The following RREB1 variants were observed in gnomAD, a reference collection of about 807,000 sequenced individuals.
RREB1 encodes ras-responsive element-binding protein 1.
A neutral mutation model predicts 117.8 loss-of-function variants in RREB1; 27 were observed. That is an observed-to-expected ratio of 0.23 (90% CI 0.17 to 0.32). The LOEUF is 0.32. Ranked by LOEUF, RREB1 falls within the 10% of genes least tolerant of loss-of-function variation. The probability of loss-of-function intolerance (pLI) is 1.00; values close to 1 mark genes in which losing one functional copy is unlikely to be tolerated. For missense variants in RREB1, 2,577 were observed against 2,378.2 expected, an observed-to-expected ratio of 1.08 and a Z score of -1.74; for synonymous variants, 1,298 against 1,026.7, an observed-to-expected ratio of 1.26 and a Z score of -5.05.
chr6:7,201,991 T>TA (rs145693428), intron 6 of RREB1, among the ~76,000 whole-genome samples: 18,617 of 152,210 alleles, frequency 0.12, 1,582 homozygotes, highest in Non-Finnish European at 0.18. Context: ...GCCTTGGTCA[T>TA]ACAGAAGGGC....
intron 8 of RREB1, among the ~76,000 whole-genome samples, chr6:7,223,233 G>A (rs1406920272): frequency 6.8e-6 from 1 of 147,298 alleles, no homozygotes; most frequent in Non-Finnish European, 1.5e-5. Context: ...CTGCAGCCTG[G>A]GCGACAGAGC....
intron 1 of RREB1, among the ~76,000 whole-genome samples, chr6:7,124,941 A>G (rs780095108): frequency 5.9e-5 from 9 of 152,246 alleles, no homozygotes; most frequent in African/African-American, 9.6e-5. Context: ...TCATAGAGAC[A>G]TGATCCATTC....
At chr6:7,214,222 C>T (rs1021850471) in intron 8 of RREB1, 1 of 152,238 alleles carries the variant, frequency 6.6e-6, no homozygotes, top group African/African-American at 2.4e-5. Context: ...GAAGTTGAAC[C>T]CTCAGTCCTG....
intron 8 of RREB1, among the ~76,000 whole-genome samples, chr6:7,225,724 T>C (rs1390798132): frequency 6.6e-6 from 1 of 152,202 alleles, no homozygotes; most frequent in African/African-American, 2.4e-5. Context: ...GAGCAGGAAC[T>C]CAGGCTGACA....
At chr6:7,137,112 C>T (rs1230920014) in intron 1 of RREB1, among the ~76,000 whole-genome samples, 1 of 152,206 alleles carries the variant, frequency 6.6e-6, no homozygotes, top group Admixed American at 6.5e-5. Context: ...GAGTTCCCTC[C>T]CCAAAGCCCA....
chr6:7,247,085 C>G lies in RREB1; in HGVS notation c.4635C>G (p.Asp1545Glu). ...AAEKRSSEKS[D>E]DDKKPKTDSP... is the part of the protein sequence containing the mutation. ...AGAAAAGGTCCTCAGAGAAGAGCGA[C>G]GATGACAAGAAACCAAAGACAGACT... Residue 1545 changes from aspartate to glutamate, a missense_variant, in exon 12 of 13, where the codon GAC (aspartate) becomes GAG (glutamate). Coordinates refer to ENST00000379938, the MANE Select transcript of RREB1 (RefSeq NM_001003699.4). 1 of 1,613,756 alleles carries G rather than the reference C, an allele frequency of 6.2e-7. No homozygotes were observed. The highest frequency in any genetic ancestry group is 2.2e-5 in the East Asian group (1 of 44,836).
At chr6:7,145,585 T>A (rs1460852220) in intron 1 of RREB1, among the ~76,000 whole-genome samples, 1 of 152,088 alleles carries the variant, frequency 6.6e-6, no homozygotes, top group South Asian at 2.1e-4. Flanking sequence ...TTTGTTCAAG[T>A]GCGTGAAAAC....
At chr6:7,124,900 G>A (rs368987682) in intron 1 of RREB1, among the ~76,000 whole-genome samples, 87 of 152,320 alleles carry the variant, frequency 5.7e-4, no homozygotes, top group African/African-American at 2.0e-3. Context: ...GTGACTCTGA[G>A]CTGTGCTTCT....
At position 7,246,740 on chromosome 6, in the gene RREB1, G is replaced by T; in HGVS notation, c.4290G>T (p.Ala1430=). 2 of 1,575,078 alleles carry T rather than the reference G, an allele frequency of 1.3e-6. No individual in the cohort carries two copies. Among genetic ancestry groups the T allele is most frequent in the Middle Eastern group, 1.7e-4 (1 of 5,996 alleles). ...FATKLMDFKL[A]EGDGEAGAGG... ...CCAAGCTCATGGACTTCAAGCTGGC[G>T]GAGGGCGACGGCGAGGCAGGCGCCG... is the stretch of plus-strand genomic sequence containing the variant. Residue 1430 remains alanine, a synonymous_variant, in exon 12 of 13, where the codon GCG becomes GCT. Coordinates refer to ENST00000379938, the MANE Select transcript of RREB1 (RefSeq NM_001003699.4).
At chr6:7,125,849 T>A (rs1371104784) in intron 1 of RREB1, among the ~76,000 whole-genome samples, 1 of 152,068 alleles carries the variant, frequency 6.6e-6, no homozygotes, top group Admixed American at 6.5e-5. Flanking sequence ...TTAGAGTGTG[T>A]TTGGGATGGG....
intron 1 of RREB1, among the ~76,000 whole-genome samples, chr6:7,147,072 T>C (rs746790663): frequency 3.9e-5 from 6 of 151,996 alleles, no homozygotes; most frequent in Non-Finnish European, 8.8e-5. Context: ...TAAAATGGAC[T>C]GTGGGTGGCT....
chr6:7,247,979 G>A (rs3799504), intron 12 of RREB1, among the ~76,000 whole-genome samples: 6,142 of 152,312 alleles, frequency 0.04, 280 homozygotes, highest in East Asian at 0.18. Flanking sequence ...GCGCTTGCCC[G>A]TGTGAAGGGC....
chr6:7,129,541 C>T (rs1430736176), intron 1 of RREB1, among the ~76,000 whole-genome samples: 4 of 152,176 alleles, frequency 2.6e-5, no homozygotes, highest in Admixed American at 6.5e-5. Context: ...CATGGCAGCT[C>T]GTACAGGATG....
Position 7,231,563 on chromosome 6 carries a change from G to A in RREB1, c.3464G>A (p.Arg1155Gln), listed in dbSNP as rs35521383. ...GPAGTSKKRG[R>Q]KRGMRSRPRA... ...GCGGGCACGTCGAAGAAGAGGGGCC[G>A]GAAAAGGGGGATGAGGAGCCGACCC... Residue 1155 changes from arginine to glutamine, a missense_variant, in exon 10 of 13, where the codon CGG becomes CAG. Physicochemically the swap from Arg to Gln is conservative, Grantham distance 43 (BLOSUM62 1). Coordinates refer to ENST00000379938, the MANE Select transcript of RREB1 (RefSeq NM_001003699.4). The A allele has an allele frequency of 0.012, 19,830 of 1,610,262 alleles. 140 individuals carry two copies. Among genetic ancestry groups the A allele is most frequent in the Non-Finnish European group, 0.015 (17,288 of 1,178,672 alleles).
intron 10 of RREB1, among the ~76,000 whole-genome samples, chr6:7,233,985 C>T (rs1398818686): frequency 6.6e-6 from 1 of 152,160 alleles, no homozygotes; most frequent in Non-Finnish European, 1.5e-5. Flanking sequence ...ACGGCATTTC[C>T]TTCTGCTGTG....
intron 11 of RREB1, among the ~76,000 whole-genome samples, chr6:7,241,561 G>A (rs764345887): frequency 6.6e-6 from 1 of 152,170 alleles, no homozygotes; most frequent in Non-Finnish European, 1.5e-5. Flanking sequence ...CCTCAGACTA[G>A]GGTGGAGATG....
rs4053178 is a variant in RREB1, at chr6:7,249,062, TGAGAGAGAGA to T, written c.*127_*136del. 0.051 allele frequency: 28,988 copies of T among 563,050 alleles called. 347 individuals are homozygous for T. Among genetic ancestry groups the T allele is most frequent in the East Asian group, 0.19 (6,327 of 32,496 alleles). 34.9% of individuals were successfully genotyped at this position (563,050 alleles called of 1,614,324 possible). ...TCAGTGCCCTTTGGCTGTTGAGGAG[TGAGAGAGAGA>T]GAGAGAGAGAGAGAGAGAGAGAGAG... On this transcript the variant is annotated 3_prime_UTR_variant, in exon 13 of 13. Coordinates refer to ENST00000379938, the MANE Select transcript of RREB1 (RefSeq NM_001003699.4).
At chr6:7,194,765 A>G (rs950246411) in intron 6 of RREB1, among the ~76,000 whole-genome samples, 14 of 152,320 alleles carry the variant, frequency 9.2e-5, no homozygotes, top group African/African-American at 3.4e-4. Context: ...TGTTTGTAAA[A>G]GGGTTCTGAA....
At chr6:7,144,648 T>A (rs1033623596) in intron 1 of RREB1, among the ~76,000 whole-genome samples, 8 of 152,206 alleles carry the variant, frequency 5.3e-5, no homozygotes, top group South Asian at 2.1e-4. Context: ...TCTATTTCTT[T>A]GTATTTTAGT....
Sources: allele counts gnomAD v4.1 joint callset (sites outside exome capture counted in the v4.1 genomes callset), GRCh38; gene constraint gnomAD v4.1.1; transcripts MANE v1.5; gene names NCBI Gene and HGNC (gene_info 2026-07-23, HGNC 2026-07-21).